WDR43: variants seen among roughly 807,000 people sequenced by gnomAD.
The protein encoded by WDR43 is WD repeat-containing protein 43.
A neutral mutation model predicts 91.4 loss-of-function variants in WDR43; 13 were observed. The observed-to-expected ratio is 0.14, with a 90% CI of 0.09 to 0.23. The LOEUF is 0.23. Ranked by LOEUF, WDR43 falls within the 10% of genes least tolerant of loss-of-function variation. The probability of loss-of-function intolerance (pLI) is 1.00; values close to 1 mark genes in which losing one functional copy is unlikely to be tolerated. For synonymous variants in WDR43, 331 were observed against 287.9 expected, an observed-to-expected ratio of 1.15 and a Z score of -1.51; for missense variants, 780 against 809.4, an observed-to-expected ratio of 0.96 and a Z score of 0.44.
intron 16 of WDR43, 118 bp from the exon 17 acceptor site, chr2:28,946,332 T>C: frequency 9.5e-7 from 1 of 1,056,866 alleles, no homozygotes; most frequent in Non-Finnish European, 1.3e-6. Flanking sequence ...AGTTGGATGA[T>C]TGCTAAATAT....
chr2:28,939,817 A>G (rs1314927003), intron 14 of WDR43, among the ~76,000 whole-genome samples: 1 of 152,214 alleles, frequency 6.6e-6, no homozygotes, highest in African/African-American at 2.4e-5. Context: ...ATCAGAGGTA[A>G]GGAGTGGAGT....
Position 28,927,696 on chromosome 2 carries a change from A to T in WDR43, c.1301A>T (p.Asn434Ile), listed in dbSNP as rs757595459. ...GAGAGCAAGAGGAAGTCAGGGGGAA[A>T]TGAGGTAATGCAACTGCTTTGACCA... ...QVESKRKSGGNEVSIEERLGA... is the reference protein window; with the variant it reads ...QVESKRKSGGIEVSIEERLGA... The change falls in exon 10 of 18, where the codon AAT becomes ATT. Residue 434 changes from asparagine (N) to isoleucine (I), a missense_variant. Around this residue, in one of 4 missense-constraint regions of WDR43, gnomAD observed 426 missense variants for 467.8 expected, o/e 0.91. Transcript: ENST00000407426. 6.2e-7 allele frequency: 1 copy of T among 1,613,930 alleles called. No homozygotes were observed. The highest frequency in any genetic ancestry group is 2.2e-5 in the East Asian group (1 of 44,876).
intron 5 of WDR43, among the ~76,000 whole-genome samples, chr2:28,914,949 T>C (rs542623364): frequency 6.6e-6 from 1 of 152,124 alleles, no homozygotes; most frequent in African/African-American, 2.4e-5. Context: ...AATTTGGTGA[T>C]ACAAAGTCAT....
chr2:28,900,074 T>C (rs1320499172), intron 1 of WDR43, among the ~76,000 whole-genome samples: 1 of 152,200 alleles, frequency 6.6e-6, no homozygotes, highest in East Asian at 1.9e-4. Context: ...AAATTCAAAT[T>C]GGCAATAAAG....
At chr2:28,906,967 TGGAG>T (rs1008599723) in intron 3 of WDR43, among the ~76,000 whole-genome samples, 9 of 151,822 alleles carry the variant, frequency 5.9e-5, no homozygotes, top group Non-Finnish European at 1.0e-4. Context: ...CAAGAACAAA[TGGAG>T]GGAGACAGGA....
At chr2:28,901,843 A>G (rs1670582432) in intron 1 of WDR43, 144 bp from the exon 2 acceptor site, 4 of 748,860 alleles carry the variant, frequency 5.3e-6, no homozygotes, top group South Asian at 4.4e-5. Context: ...TTTTTGAAGT[A>G]GTGAGAAGTA....
Position 28,935,531 on chromosome 2 carries a change from A to G in WDR43, c.1448A>G (p.Gln483Arg). The G allele has an allele frequency of 6.3e-7, 1 of 1,590,708 alleles. No individual in the cohort carries two copies. The highest frequency in any genetic ancestry group is 1.2e-5 in the South Asian group (1 of 85,770). Residue 483 changes from glutamine to arginine, a missense_variant, in exon 12 of 18, where the codon CAA becomes CGA. By Grantham distance (43) the Gln-to-Arg change is conservative (BLOSUM62 1). This residue lies in a region of WDR43 where 426 missense variants were observed against 467.8 expected (regional missense o/e 0.91). Transcript: ENST00000407426. ...NDFEMLNKVL[Q>R]TRNVNLIKKT... Reference sequence around the variant, plus strand: ...TTTATTTTCTCACAGAAAGTACTTCAAACTAGGAATGTAAACCTTATAAAG... The same window carrying G: ...TTTATTTTCTCACAGAAAGTACTTCGAACTAGGAATGTAAACCTTATAAAG...
At chr2:28,916,887 T>G (rs905779776) in intron 5 of WDR43, among the ~76,000 whole-genome samples, 1 of 152,152 alleles carries the variant, frequency 6.6e-6, no homozygotes, top group Non-Finnish European at 1.5e-5. Flanking sequence ...TATGTTTGTT[T>G]CTATTTAAAG....
At chr2:28,923,422 A>C (rs1450260315) in intron 7 of WDR43, among the ~76,000 whole-genome samples, 1 of 152,138 alleles carries the variant, frequency 6.6e-6, no homozygotes, top group Non-Finnish European at 1.5e-5. Context: ...CATTCAGTGG[A>C]GACCATTTGT....
rs201323949 is a variant in WDR43 at position 28,929,626 on chromosome 2, A to C, written c.1353A>C (p.Lys451Asn). The C allele has an allele frequency of 2.4e-5, 38 of 1,613,688 alleles. No homozygotes were observed. The South Asian group carries it at 3.0e-4, about 13-fold the overall frequency. Residue 451 changes from lysine (K) to asparagine (N), a missense_variant, in exon 11 of 18, where the codon AAA (lysine) becomes AAC (asparagine). Lys to Asn is a moderately conservative substitution (Grantham distance 94, BLOSUM62 0). This residue lies in a region of WDR43 where 426 missense variants were observed against 467.8 expected (regional missense o/e 0.91). Coordinates refer to ENST00000407426, the MANE Select transcript of WDR43 (RefSeq NM_015131.3). ...RLGAMDIDTH[K>N]KGKEDLQTNS... ...GAGCAATGGATATAGACACACACAA[A>C]AAAGGAAAGGAAGACCTCCAGACGA...
chr2:28,894,777 G>C lies in WDR43; in HGVS notation c.79G>C (p.Ala27Pro). ...TTGCGCCTTCTCCCCGCACAGCCAG[G>C]CCTACTTCGCTTTGGCCTCTACCGA... is the stretch of plus-strand genomic sequence containing the variant. ...VPCAFSPHSQAYFALASTDGH... is the reference protein window; with the variant it reads ...VPCAFSPHSQPYFALASTDGH... The change falls in exon 1 of 18, where the codon GCC becomes CCC. Residue 27 changes from alanine to proline, a missense_variant. This residue lies in a region of WDR43 where 175 missense variants were observed against 113.8 expected (regional missense o/e 1.54). Transcript: ENST00000407426. The C allele has an allele frequency of 6.2e-7, 1 of 1,607,364 alleles. No homozygotes were observed. Among genetic ancestry groups the C allele is most frequent in the Non-Finnish European group, 8.5e-7 (1 of 1,177,182 alleles).
intron 2 of WDR43, among the ~76,000 whole-genome samples, chr2:28,902,577 C>G (rs1055906508): frequency 6.6e-6 from 1 of 152,194 alleles, no homozygotes; most frequent in African/African-American, 2.4e-5. Flanking sequence ...CTGCCTGGTG[C>G]TAGTGTCTCT....
chr2:28,914,278 A>C (rs1670864654), intron 5 of WDR43, 70 bp downstream of exon 5: 2 of 1,477,518 alleles, frequency 1.4e-6, no homozygotes, highest in Non-Finnish European at 1.8e-6. Context: ...GTTAATGTAA[A>C]TTATGAATAT....
At chr2:28,905,683 G>C (rs926972853) in intron 2 of WDR43, among the ~76,000 whole-genome samples, 1 of 76,904 alleles carries the variant, frequency 1.3e-5, no homozygotes, top group Non-Finnish European at 2.7e-5. Context: ...TTTTTTTTTT[G>C]ATATGGAGTT....
intron 1 of WDR43, among the ~76,000 whole-genome samples, chr2:28,895,555 C>CT (rs1432020793): frequency 6.6e-6 from 1 of 152,138 alleles, no homozygotes; most frequent in Admixed American, 6.5e-5. Context: ...TCCCGCCCCG[C>CT]TTTCAAGCCG....
chr2:28,935,805 A>C, intron 12 of WDR43, 198 bp downstream of exon 12: 1 of 379,340 alleles, frequency 2.6e-6, no homozygotes, highest in Non-Finnish European at 4.7e-6. Flanking sequence ...AGGAAATGTC[A>C]TTGGCAGTTT....
intron 3 of WDR43, among the ~76,000 whole-genome samples, chr2:28,910,693 A>ATATATATATATATATG (rs1365695478): frequency 6.7e-6 from 1 of 148,386 alleles, no homozygotes; most frequent in African/African-American, 2.5e-5. Context: ...ATATATATAT[A>ATATATATATATATATG]TAATTATTAT....
intron 6 of WDR43, among the ~76,000 whole-genome samples, chr2:28,920,485 C>T (rs965641637): frequency 6.6e-6 from 1 of 151,748 alleles, no homozygotes; most frequent in South Asian, 2.1e-4. Context: ...ACCTTGGCCT[C>T]CCAAAGTGCT....
At chr2:28,927,966 A>G (rs1219864592) in intron 10 of WDR43, 2 of 350,888 alleles carry the variant, frequency 5.7e-6, no homozygotes. Context: ...ATAAAATGGA[A>G]TAAGTCAAGC....
Sources: gnomAD v4.1 joint callset for allele counts (sites outside exome capture counted in the v4.1 genomes callset) on GRCh38, gnomAD v4.1.1 for gene constraint, gnomAD v4.1.1 regional missense constraint, MANE v1.5 for transcripts, NCBI Gene and HGNC (gene_info 2026-07-23, HGNC 2026-07-21) for gene names.